The following DISP2 variants were observed in gnomAD, a reference collection of about 807,000 sequenced individuals.
DISP2 encodes the protein dispatched RND transporter family member 2.
Under a neutral mutation model 95.5 loss-of-function variants are expected in DISP2, and 59 were observed. That is an observed-to-expected ratio of 0.62 (90% confidence interval 0.50 to 0.77). The LOEUF (loss-of-function observed/expected upper bound fraction) is 0.77. Among genes scored for constraint, DISP2 ranks in the 30% least tolerant of loss-of-function variants. The probability of loss-of-function intolerance (pLI) is 0.00; values close to 1 mark genes in which losing one functional copy is unlikely to be tolerated. For synonymous variants in DISP2, 827 were observed against 815.0 expected, an observed-to-expected ratio of 1.01 and a Z score of -0.25; for missense variants, 1,752 against 1,854.6, an observed-to-expected ratio of 0.94 and a Z score of 1.02.
At position 40,368,857 on chromosome 15, in the gene DISP2, G is replaced by A. The variant is rs763278942; in HGVS notation, c.2745G>A (p.Pro915=). 6 of 1,613,996 alleles carry A rather than the reference G, an allele frequency of 3.7e-6. No individual in the cohort carries two copies. The highest frequency in any genetic ancestry group is 1.3e-5 in the African/African-American group (1 of 75,074). The change falls in exon 8 of 8, where the codon CCG becomes CCA. Residue 915 remains proline, a synonymous_variant. Transcript: ENST00000267889. The stretch of plus-strand genomic sequence containing the variant: ...TCCAGACCAACTTCCGGAACAGTCC[G>A]GACTACAACCAGACCCAGCTCTTCT... ...LQFQTNFRNS[P]DYNQTQLFYN... is the part of the protein sequence containing the mutation.
rs1296968258 is a variant in DISP2 at position 40,365,716 on chromosome 15, A to T, written c.936A>T (p.Glu312Asp). The change falls in exon 7 of 8, where the codon GAA becomes GAT. Residue 312 changes from glutamate to aspartate, a missense_variant. This residue lies in a region of DISP2 where 732 missense variants were observed against 714.6 expected (regional missense o/e 1.02). Coordinates refer to ENST00000267889, the MANE Select transcript of DISP2 (RefSeq NM_033510.3). ...CCATCCATTCCATGTGTCGCATGGA[A>T]CAGGACCAGGTGAGCTGGTGGGGGA... ...LHAIHSMCRMEQDQIRSHTSF... is the reference protein window; with the variant it reads ...LHAIHSMCRMDQDQIRSHTSF... The T allele has an allele frequency of 6.2e-7, 1 of 1,614,030 alleles. No homozygotes were observed. Among genetic ancestry groups the T allele is most frequent in the South Asian group, 1.1e-5 (1 of 91,086 alleles).
rs907332872 is a variant in DISP2, at chr15:40,367,917, C to T, written c.1805C>T (p.Ala602Val). The change falls in exon 8 of 8, where the codon GCG (alanine) becomes GTG (valine). Residue 602 changes from alanine (A) to valine (V), a missense_variant. Transcript: ENST00000267889. ...CTGGTCTCCGGCCTCACCACGAGCGCGGCCTTCTATGCCAGCTACCTGAGC... is the reference window on the plus strand; with the variant it reads ...CTGGTCTCCGGCCTCACCACGAGCGTGGCCTTCTATGCCAGCTACCTGAGC... The part of the protein sequence containing the change: ...LLLVSGLTTS[A>V]AFYASYLSRL... 33 of 1,595,866 alleles carry T rather than the reference C, an allele frequency of 2.1e-5. No individual in the cohort carries two copies. Among genetic ancestry groups the T allele is most frequent in the Non-Finnish European group, 2.5e-5 (29 of 1,178,618 alleles).
Position 40,365,240 on chromosome 15 carries a change from C to G in DISP2, c.813C>G (p.Asp271Glu). ...RPRRMVEPLE[D>E]RRQENFFCGP... Reference sequence around the variant, plus strand: ...GGAGAATGGTGGAGCCCCTGGAGGACAGAAGGCAAGAGAACTTCTTCTGTG... The same window carrying G: ...GGAGAATGGTGGAGCCCCTGGAGGAGAGAAGGCAAGAGAACTTCTTCTGTG... The change falls in exon 6 of 8, where the codon GAC becomes GAG. Residue 271 changes from aspartate (D) to glutamate (E), a missense_variant. Transcript: ENST00000267889. 1 of 1,614,062 alleles carries G rather than the reference C, an allele frequency of 6.2e-7. No homozygotes were observed.
At chr15:40,365,773 T>C (rs749862730) in intron 7 of DISP2, 48 bp downstream of exon 7, 1 of 1,571,940 alleles carries the variant, frequency 6.4e-7, no homozygotes, top group Non-Finnish European at 8.7e-7. Flanking sequence ...ACTAAGGACA[T>C]GAGGGAACTG....
rs761767631 is a variant in DISP2, at chr15:40,370,281, G to A, written c.4169G>A (p.Arg1390His). 1.1e-5 allele frequency: 17 copies of A among 1,556,156 alleles called. No individual in the cohort carries two copies. Among genetic ancestry groups the A allele is most frequent in the African/African-American group, 8.2e-5 (6 of 73,418 alleles). The change falls in exon 8 of 8, where the codon CGC becomes CAC. Residue 1390 changes from arginine to histidine, a missense_variant. Coordinates refer to ENST00000267889, the MANE Select transcript of DISP2 (RefSeq NM_033510.3). The stretch of plus-strand genomic sequence containing the variant: ...CCAGACCTGCCAGATGTTTGGCTGC[G>A]CAGGCCCAGCACTCACACGTCAGGC... ...SQPDLPDVWL[R>H]RPSTHTSGYS... is the part of the protein sequence containing the mutation.
In DISP2 at chr15:40,370,858, A is replaced by G. The variant is rs1889633229; in HGVS notation, c.*540A>G. 3.0e-6 allele frequency: 1 copy of G among 331,652 alleles called. No individual in the cohort carries two copies. The highest frequency in any genetic ancestry group is 2.3e-5 in the South Asian group (1 of 42,688). 20.5% of individuals were successfully genotyped at this position (331,652 alleles called of 1,614,324 possible). Reference sequence around the variant, plus strand: ...AATTGGGCTGGGACCTCTCTCCCCAACTGCCCTGCTCTCCTCATACTCACC... The same window carrying G: ...AATTGGGCTGGGACCTCTCTCCCCAGCTGCCCTGCTCTCCTCATACTCACC... On this transcript the variant is annotated 3_prime_UTR_variant, in exon 8 of 8. Coordinates refer to ENST00000267889, the MANE Select transcript of DISP2 (RefSeq NM_033510.3).
Position 40,367,602 on chromosome 15 carries a change from T to C in DISP2, c.1490T>C (p.Val497Ala). ...ACGGTGTACCCCTTGCTGGCTCTGG[T>C]TGCCATCTTCTTCGGCATGGCCCTG... The part of the protein sequence containing the change: ...QDTVYPLLAL[V>A]AIFFGMALYL... The change falls in exon 8 of 8, where the codon GTT (valine) becomes GCT (alanine). Residue 497 changes from valine to alanine, a missense_variant. Around this residue, in one of 5 missense-constraint regions of DISP2, gnomAD observed 732 missense variants for 714.6 expected, o/e 1.02. Coordinates refer to ENST00000267889, the MANE Select transcript of DISP2 (RefSeq NM_033510.3). 1 of 1,614,010 alleles carries C rather than the reference T, an allele frequency of 6.2e-7. No homozygotes were observed. Among genetic ancestry groups the C allele is most frequent in the South Asian group, 1.1e-5 (1 of 91,074 alleles).
Position 40,377,128 on chromosome 15 carries a change from T to C in DISP2, c.*6810T>C, listed in dbSNP as rs538227681. The C allele has an allele frequency of 2.0e-5, 3 of 152,146 alleles. No individual in the cohort carries two copies. Among genetic ancestry groups the C allele is most frequent in the East Asian group, 1.9e-4 (1 of 5,152 alleles). 9.4% of individuals were successfully genotyped at this position (152,146 alleles called of 1,614,324 possible). On this transcript the variant is annotated 3_prime_UTR_variant, in exon 8 of 8. Coordinates refer to ENST00000267889, the MANE Select transcript of DISP2 (RefSeq NM_033510.3). Reference sequence around the variant, plus strand: ...TCACGAGGTCAGGAGATCGAGACCATCCTGGCTAACATGGTGAAACCTCAT... The same window carrying C: ...TCACGAGGTCAGGAGATCGAGACCACCCTGGCTAACATGGTGAAACCTCAT...
intron 7 of DISP2, 81 bp from the exon 8 acceptor site, chr15:40,366,977 T>G (rs2141261685): frequency 5.2e-4 from 786 of 1,522,838 alleles, no homozygotes; most frequent in Non-Finnish European, 6.3e-4. Context: ...TGAAAGGAGA[T>G]GAGAGAGCCT....
chr15:40,365,134 C>G lies in DISP2; in HGVS notation c.720-13C>G. The G allele has an allele frequency of 6.2e-7, 1 of 1,612,020 alleles. No individual in the cohort carries two copies. The highest frequency in any genetic ancestry group is 1.3e-5 in the African/African-American group (1 of 74,930). ...CCTAATGGTGCCTGGCATAGATATT[C>G]TCTCCACTTCAGCTCGAGCTCCCAC... On this transcript the variant is annotated splice_polypyrimidine_tract_variant and intron_variant, in intron 5 of 7. Transcript: ENST00000267889.
Position 40,363,906 on chromosome 15 carries a change from A to C in DISP2, c.401A>C (p.Asp134Ala). Residue 134 changes from aspartate (D) to alanine (A), a missense_variant, in exon 2 of 8, where the codon GAT (aspartate) becomes GCT (alanine). Transcript: ENST00000267889. The stretch of plus-strand genomic sequence containing the variant: ...CCTTCTCCAGCCCCCTCACAGCGCG[A>C]TGGGACCTGGAAGCCACCCGCTGTG... ...LSPSPAPSQR[D>A]GTWKPPAVQH... 1.3e-6 allele frequency: 2 copies of C among 1,563,886 alleles called. No homozygotes were observed. The highest frequency in any genetic ancestry group is 1.7e-6 in the Non-Finnish European group (2 of 1,152,742).
Position 40,367,957 on chromosome 15 carries a change from T to G in DISP2, c.1845T>G (p.Val615=). 6.3e-7 allele frequency: 1 copy of G among 1,575,446 alleles called. No homozygotes were observed. The highest frequency in any genetic ancestry group is 1.1e-5 in the South Asian group (1 of 87,848). ...YASYLSRLPA[V]RCLALFMGTA... The stretch of plus-strand genomic sequence containing the variant: ...GCTACCTGAGCCGCCTGCCGGCCGT[T>G]CGCTGCCTCGCCCTCTTCATGGGCA... The change falls in exon 8 of 8, where the codon GTT becomes GTG. Residue 615 remains valine, a synonymous_variant. Coordinates refer to ENST00000267889, the MANE Select transcript of DISP2 (RefSeq NM_033510.3).
rs759211970 is a variant in DISP2, at chr15:40,368,168, A to G, written c.2056A>G (p.Thr686Ala). 1 of 1,568,620 alleles carries G rather than the reference A, an allele frequency of 6.4e-7. No individual in the cohort carries two copies. Among genetic ancestry groups the G allele is most frequent in the Non-Finnish European group, 8.6e-7 (1 of 1,163,982 alleles). The change falls in exon 8 of 8, where the codon ACC becomes GCC. Residue 686 changes from threonine (T) to alanine (A), a missense_variant. Around this residue, in one of 5 missense-constraint regions of DISP2, gnomAD observed 732 missense variants for 714.6 expected, o/e 1.02. Coordinates refer to ENST00000267889, the MANE Select transcript of DISP2 (RefSeq NM_033510.3). ...LRGLRRAAAG[T>A]SRLLFQRLLP... ...CGGCCTGCGGAGGGCGGCGGCTGGC[A>G]CCTCGCGTCTGCTCTTCCAGCGCCT...
chr15:40,369,741 C>G lies in DISP2; in HGVS notation c.3629C>G (p.Ala1210Gly), dbSNP rs146580728. 5.2e-5 allele frequency: 84 copies of G among 1,609,212 alleles called. No individual in the cohort carries two copies. The African/African-American group carries it at 8.8e-4, about 17-fold the overall frequency. ...DGPCCSRPPP[A>G]PASPRELLLD... ...CCGTGCTGTTCCCGGCCCCCACCAG[C>G]CCCTGCCTCCCCAAGGGAGCTGCTG... The change falls in exon 8 of 8, where the codon GCC becomes GGC. Residue 1210 changes from alanine to glycine, a missense_variant. Physicochemically the swap from Ala to Gly is moderately conservative, Grantham distance 60. Transcript: ENST00000267889.
Position 40,368,760 on chromosome 15 carries a change from GC to G in DISP2, c.2652del (p.Asp885MetfsTer67), listed in dbSNP as rs1889569003. On this transcript the variant is annotated frameshift_variant, in exon 8 of 8. Transcript: ENST00000267889. LOFTEE classifies it high-confidence loss of function. Reference sequence around the variant, plus strand: ...CTGAAAATGATGGCTCTGGAGCAAGGCCCCGATGGCACCCAGGACCTGGGAC... The same window carrying G: ...CTGAAAATGATGGCTCTGGAGCAAGGCCCGATGGCACCCAGGACCTGGGAC... ...HCLKMMALEQ[G>X]PDGTQDLGLR... 1 of 1,613,686 alleles carries G rather than the reference GC, an allele frequency of 6.2e-7. No individual in the cohort carries two copies. The highest frequency in any genetic ancestry group is 8.5e-7 in the Non-Finnish European group (1 of 1,180,044).
chr15:40,359,170 T>C (rs1889368521), intron 1 of DISP2, among the ~76,000 whole-genome samples: 1 of 152,170 alleles, frequency 6.6e-6, no homozygotes, highest in Non-Finnish European at 1.5e-5. Flanking sequence ...ACAGCCCAGC[T>C]AGGTAGCAAT....
chr15:40,365,255 C>G lies in DISP2; in HGVS notation c.828C>G (p.Asn276Lys). ...VEPLEDRRQE[N>K]FFCGPPEKSY... ...CCCTGGAGGACAGAAGGCAAGAGAACTTCTTCTGTGGCCCCCCTGGTAAGC... is the reference window on the plus strand; with the variant it reads ...CCCTGGAGGACAGAAGGCAAGAGAAGTTCTTCTGTGGCCCCCCTGGTAAGC... The change falls in exon 6 of 8, where the codon AAC becomes AAG. Residue 276 changes from asparagine (N) to lysine (K), a missense_variant. Transcript: ENST00000267889. 1.9e-6 allele frequency: 3 copies of G among 1,613,906 alleles called. No homozygotes were observed. Among genetic ancestry groups the G allele is most frequent in the Non-Finnish European group, 2.5e-6 (3 of 1,179,984 alleles).
At position 40,377,350 on chromosome 15, in the gene DISP2, A is replaced by T. The variant is rs551876898; in HGVS notation, c.*7032A>T. On this transcript the variant is annotated 3_prime_UTR_variant, in exon 8 of 8. Coordinates refer to ENST00000267889, the MANE Select transcript of DISP2 (RefSeq NM_033510.3). ...AAAAAATTTTTGACTGAAAGTACAG[A>T]TACAACTTCCCTTTCCAGCCAAGAT... 80 of 152,212 alleles carry T rather than the reference A, an allele frequency of 5.3e-4. No individual in the cohort carries two copies. Among genetic ancestry groups the T allele is most frequent in the African/African-American group, 1.9e-3 (80 of 41,558 alleles). The allele number at this position is 152,212 out of a possible 1,614,324, so 9.4% of individuals were successfully genotyped here.
chr15:40,377,090 C>T lies in DISP2; in HGVS notation c.*6772C>T, dbSNP rs1284682393. Reference sequence around the variant, plus strand: ...CTGTAATCCCAACACTTTGGGAGGCCTAGGCGGGCAGATCACGAGGTCAGG... The same window carrying T: ...CTGTAATCCCAACACTTTGGGAGGCTTAGGCGGGCAGATCACGAGGTCAGG... On this transcript the variant is annotated 3_prime_UTR_variant, in exon 8 of 8. Coordinates refer to ENST00000267889, the MANE Select transcript of DISP2 (RefSeq NM_033510.3). 6.6e-6 allele frequency: 1 copy of T among 152,110 alleles called. No homozygotes were observed. The highest frequency in any genetic ancestry group is 2.4e-5 in the African/African-American group (1 of 41,382). The allele number at this position is 152,110 out of a possible 1,614,324, so 9.4% of individuals were successfully genotyped here.
Sources: allele counts gnomAD v4.1 joint callset (sites outside exome capture counted in the v4.1 genomes callset), GRCh38; gene constraint gnomAD v4.1.1; regional missense constraint gnomAD v4.1.1; transcripts MANE v1.5; gene names NCBI Gene and HGNC (gene_info 2026-07-23, HGNC 2026-07-21).